Variants in WASF2 observed in about 807,000 individuals in gnomAD.
WASF2 encodes the protein WASP family member 2.
WASF2 carries 14 observed loss-of-function variants against 45.0 expected under a neutral mutation model. The ratio of observed to expected loss-of-function variants is 0.31; its 90% CI spans 0.21 to 0.49. WASF2 has a LOEUF of 0.49. Ranked by LOEUF, WASF2 falls within the 20% of genes least tolerant of loss-of-function variation. The pLI, the probability that WASF2 is intolerant of heterozygous loss-of-function variation, is 0.99. For synonymous variants in WASF2, 200 were observed against 236.3 expected (o/e 0.85, Z 1.41); for missense variants, 439 against 636.1 (o/e 0.69, Z 3.33).
chr1:27,459,087 T>C (rs1032081028), intron 1 of WASF2, among the ~76,000 whole-genome samples: 4 of 151,772 alleles, frequency 2.6e-5, no homozygotes, highest in Admixed American at 6.6e-5. Context: ...GATCACACCA[T>C]TGCACTCCAC....
rs58153446 is a variant in WASF2, at chr1:27,484,811, C to CAAAAAAAAAAAAA, written c.-44+5174_-44+5175insTTTTTTTTTTTTT. On this transcript the variant is annotated intron_variant, in intron 1 of 8. Coordinates refer to ENST00000618852, the MANE Select transcript of WASF2 (RefSeq NM_006990.5). ...TGGATGACAGAGCGAGACTCTGTCTCAAAAAAAAAAAGAATACTCTAAAGG... is the reference window on the plus strand; with the variant it reads ...TGGATGACAGAGCGAGACTCTGTCTCAAAAAAAAAAAAAAAAAAAAAAAAGAATACTCTAAAGG... 2.1e-3 allele frequency among the ~76,000 whole-genome samples: 264 copies of CAAAAAAAAAAAAA among 124,504 alleles called. 10 individuals are homozygous for CAAAAAAAAAAAAA. Among genetic ancestry groups the CAAAAAAAAAAAAA allele is most frequent in the African/African-American group, 7.9e-3 (240 of 30,332 alleles). The allele number at this position is 124,504 out of a possible 152,430, so 81.7% of individuals were successfully genotyped here. A position where few individuals can be genotyped will look rare whatever the true frequency, so the allele number is the denominator to read the frequency against.
chr1:27,419,875 G>A (rs183411849), intron 2 of WASF2, among the ~76,000 whole-genome samples: 3 of 152,152 alleles, frequency 2.0e-5, no homozygotes, highest in African/African-American at 7.2e-5. Flanking sequence ...TAAGAGGTGG[G>A]AAGGTTCCTT....
chr1:27,471,007 T>C (rs1379344983), intron 1 of WASF2, among the ~76,000 whole-genome samples: 1 of 151,988 alleles, frequency 6.6e-6, no homozygotes, highest in Non-Finnish European at 1.5e-5. Flanking sequence ...GGCAAAAATA[T>C]AGATGTGGCA....
intron 1 of WASF2, among the ~76,000 whole-genome samples, chr1:27,444,382 G>C (rs942808026): frequency 1.3e-5 from 2 of 152,112 alleles, no homozygotes; most frequent in African/African-American, 4.8e-5. Context: ...GGCCAACCTA[G>C]GATAGTTCTA....
At chr1:27,436,384 T>C (rs1188560756) in intron 1 of WASF2, among the ~76,000 whole-genome samples, 1 of 151,980 alleles carries the variant, frequency 6.6e-6, no homozygotes, top group East Asian at 1.9e-4. Flanking sequence ...GCCTTGGAGG[T>C]TGCAGAGAGC....
intron 1 of WASF2, among the ~76,000 whole-genome samples, chr1:27,448,622 G>A (rs139742771): frequency 6.6e-5 from 10 of 152,130 alleles, no homozygotes; most frequent in Middle Eastern, 6.8e-3. Context: ...AGGCCGAGGT[G>A]GGTGGATCTC....
intron 1 of WASF2, among the ~76,000 whole-genome samples, chr1:27,462,605 C>A (rs992793848): frequency 1.3e-5 from 2 of 152,078 alleles, no homozygotes; most frequent in African/African-American, 4.8e-5. Context: ...CATACCCTTC[C>A]CTACTAATGC....
At chr1:27,475,890 A>T (rs931306944) in intron 1 of WASF2, among the ~76,000 whole-genome samples, 4 of 152,118 alleles carry the variant, frequency 2.6e-5, no homozygotes, top group African/African-American at 9.7e-5. Context: ...AGCCTCCCAA[A>T]ATACTTGGCC....
At chr1:27,469,516 T>C (rs2017661654) in intron 1 of WASF2, among the ~76,000 whole-genome samples, 1 of 152,178 alleles carries the variant, frequency 6.6e-6, no homozygotes, top group African/African-American at 2.4e-5. Flanking sequence ...CAAATATTTA[T>C]TGAGTAACTA....
chr1:27,488,291 C>T (rs1025208698), intron 1 of WASF2, among the ~76,000 whole-genome samples: 1 of 152,178 alleles, frequency 6.6e-6, no homozygotes, highest in Non-Finnish European at 1.5e-5. Flanking sequence ...ACCCAACTAC[C>T]GCCTACCCCA....
intron 1 of WASF2, among the ~76,000 whole-genome samples, chr1:27,432,937 A>G (rs1438960873): frequency 1.3e-5 from 2 of 152,062 alleles, no homozygotes; most frequent in Admixed American, 1.3e-4. Context: ...CTAATTTATT[A>G]TCTTTTATAG....
chr1:27,443,716 G>C (rs923144793), intron 1 of WASF2, among the ~76,000 whole-genome samples: 32 of 152,176 alleles, frequency 2.1e-4, no homozygotes, highest in African/African-American at 7.0e-4. Flanking sequence ...CCTTAGGGTA[G>C]TTAATCTCTC....
intron 1 of WASF2, among the ~76,000 whole-genome samples, chr1:27,470,380 T>A (rs1366980603): frequency 6.6e-6 from 1 of 151,406 alleles, no homozygotes; most frequent in Non-Finnish European, 1.5e-5. Context: ...AAAATAAGGA[T>A]AAATAATCAA....
Position 27,407,000 on chromosome 1 carries a change from G to A in WASF2, c.*1189C>T, listed in dbSNP as rs556281916. On this transcript the variant is annotated 3_prime_UTR_variant, in exon 9 of 9. Transcript: ENST00000618852. ...CTACTTCTGGTCCCCCAGAGAGGCT[G>A]GTCCCAAGGCTATGTGGTTGGCTGG... is the stretch of plus-strand genomic sequence containing the variant. The A allele has an allele frequency of 6.6e-6, 1 of 152,484 alleles. No individual in the cohort carries two copies. The highest frequency in any genetic ancestry group is 2.1e-4 in the South Asian group (1 of 4,824). The allele number at this position is 152,484 out of a possible 1,614,324, so 9.4% of individuals were successfully genotyped here.
chr1:27,485,433 A>C (rs1255882631), intron 1 of WASF2, among the ~76,000 whole-genome samples: 1 of 152,142 alleles, frequency 6.6e-6, no homozygotes, highest in African/African-American at 2.4e-5. Flanking sequence ...TAAAAAAAGA[A>C]AAAAAGAAAA....
Position 27,406,882 on chromosome 1 carries a change from T to G in WASF2, c.*1307A>C, listed in dbSNP as rs1362507895. On this transcript the variant is annotated 3_prime_UTR_variant, in exon 9 of 9. Transcript: ENST00000618852. ...ACTGAAGTTTCCACAGTTGGCAGAA[T>G]CTTTGTTTAAATTGGGGAAATAAAA... 1 of 152,228 alleles carries G rather than the reference T, an allele frequency of 6.6e-6. No individual in the cohort carries two copies. The highest frequency in any genetic ancestry group is 1.5e-5 in the Non-Finnish European group (1 of 68,058). 9.4% of individuals were successfully genotyped at this position (152,228 alleles called of 1,614,324 possible). A position where few individuals can be genotyped will look rare whatever the true frequency, so the allele number is the denominator to read the frequency against.
intron 1 of WASF2, among the ~76,000 whole-genome samples, chr1:27,482,333 G>C (rs556425291): frequency 6.6e-6 from 1 of 152,314 alleles, no homozygotes; most frequent in Non-Finnish European, 1.5e-5. Flanking sequence ...ACTGAGCTTA[G>C]AAAAGCATGC....
intron 1 of WASF2, among the ~76,000 whole-genome samples, chr1:27,450,964 A>G (rs1268011534): frequency 5.3e-5 from 8 of 150,516 alleles, no homozygotes; most frequent in African/African-American, 1.7e-4. Context: ...TAATCTCAAC[A>G]CTTTGGGAGG....
chr1:27,487,502 T>C (rs1223519398), intron 1 of WASF2, among the ~76,000 whole-genome samples: 5 of 108,532 alleles, frequency 4.6e-5, no homozygotes, highest in African/African-American at 1.9e-4. Flanking sequence ...TATAATATTA[T>C]AATATATGTT....
Sources: allele counts gnomAD v4.1 joint callset (sites outside exome capture counted in the v4.1 genomes callset), GRCh38; gene constraint gnomAD v4.1.1; transcripts MANE v1.5; gene names NCBI Gene and HGNC (gene_info 2026-07-23, HGNC 2026-07-21).